TNFRSF21: variants seen among roughly 807,000 people sequenced by gnomAD.
TNFRSF21 encodes the protein tumor necrosis factor receptor superfamily member 21.
A neutral mutation model predicts 45.6 loss-of-function variants in TNFRSF21; 19 were observed. That is an observed-to-expected ratio of 0.42 (90% CI 0.29 to 0.61). TNFRSF21 has a LOEUF of 0.61. Ranked by LOEUF, TNFRSF21 falls within the 20% of genes least tolerant of loss-of-function variation. The pLI, the probability that TNFRSF21 is intolerant of heterozygous loss-of-function variation, is 0.23. For synonymous variants in TNFRSF21, 314 were observed against 335.5 expected (o/e 0.94, Z 0.70); for missense variants, 737 against 851.5 (o/e 0.87, Z 1.67).
intron 4 of TNFRSF21, among the ~76,000 whole-genome samples, chr6:47,240,696 T>C (rs1258780507): frequency 6.6e-6 from 1 of 152,040 alleles, no homozygotes; most frequent in African/African-American, 2.4e-5. Context: ...TAGAGTGAAG[T>C]GGGTAGAGGT....
intron 3 of TNFRSF21, among the ~76,000 whole-genome samples, chr6:47,271,897 C>T (rs149296476): frequency 2.0e-5 from 3 of 151,930 alleles, no homozygotes; most frequent in Non-Finnish European, 2.9e-5. Context: ...TTTAAACCAA[C>T]AAAGATCAAA....
chr6:47,302,623 G>A (rs1762880619), intron 1 of TNFRSF21, among the ~76,000 whole-genome samples: 1 of 152,142 alleles, frequency 6.6e-6, no homozygotes, highest in Non-Finnish European at 1.5e-5. Flanking sequence ...CACACAGGTT[G>A]CTCTCAGTTT....
chr6:47,279,907 T>G (rs1298682012), intron 3 of TNFRSF21, among the ~76,000 whole-genome samples: 1 of 151,992 alleles, frequency 6.6e-6, no homozygotes, highest in Non-Finnish European at 1.5e-5. Flanking sequence ...GAAGAAAGAG[T>G]ACAAAATACC....
At chr6:47,262,840 G>T (rs1481303643) in intron 3 of TNFRSF21, among the ~76,000 whole-genome samples, 1 of 152,154 alleles carries the variant, frequency 6.6e-6, no homozygotes, top group Non-Finnish European at 1.5e-5. Flanking sequence ...GGAGTCAGGA[G>T]AGTGCAGATC....
At chr6:47,236,616 G>C (rs141392180) in intron 4 of TNFRSF21, among the ~76,000 whole-genome samples, 31 of 152,286 alleles carry the variant, frequency 2.0e-4, no homozygotes, top group Non-Finnish European at 3.4e-4. Context: ...CCCTGCTGCT[G>C]CTTCCAGGGC....
rs772342118 is a variant in TNFRSF21 at position 47,285,983 on chromosome 6, C to T, written c.709G>A (p.Glu237Lys). 4 of 1,614,186 alleles carry T rather than the reference C, an allele frequency of 2.5e-6. No homozygotes were observed. Among genetic ancestry groups the T allele is most frequent in the Non-Finnish European group, 3.4e-6 (4 of 1,180,032 alleles). Residue 237 changes from glutamate to lysine, a missense_variant, in exon 2 of 6, where the codon GAA becomes AAA. Coordinates refer to ENST00000296861, the MANE Select transcript of TNFRSF21 (RefSeq NM_014452.5). Reference sequence around the variant, plus strand: ...GTGGAGGAAGGGACTTCATGGGTTTCCATGTGCTCAGGGCGTGGAAAGATG... The same window carrying T: ...GTGGAGGAAGGGACTTCATGGGTTTTCATGTGCTCAGGGCGTGGAAAGATG... ...TAIFPRPEHM[E>K]THEVPSSTYV...
rs543052150 is a variant in TNFRSF21, at chr6:47,233,497, T to C, written c.1739-503A>G. Among the ~76,000 whole-genome samples, 12 of 152,308 alleles carry C rather than the reference T, an allele frequency of 7.9e-5. No homozygotes were observed. In the South Asian group the frequency reaches 2.5e-3, roughly 32 times the overall value. On this transcript the variant is annotated intron_variant, in intron 5 of 5. Transcript: ENST00000296861. ...TAGTCTACTTATGTGACTTTCTGAT[T>C]ACATTGTAATATTTTAGAACTAAAC...
At chr6:47,249,628 C>T (rs1460529694) in intron 4 of TNFRSF21, among the ~76,000 whole-genome samples, 4 of 152,060 alleles carry the variant, frequency 2.6e-5, no homozygotes, top group Non-Finnish European at 5.9e-5. Flanking sequence ...TGTGTGACTC[C>T]TGACTGTGTA....
intron 3 of TNFRSF21, among the ~76,000 whole-genome samples, chr6:47,282,888 T>C (rs1309121302): frequency 6.6e-6 from 1 of 152,200 alleles, no homozygotes; most frequent in Non-Finnish European, 1.5e-5. Context: ...TGTCCTTCTG[T>C]TATTTTCAAT....
At chr6:47,235,483 G>C (rs1764653933) in intron 4 of TNFRSF21, among the ~76,000 whole-genome samples, 2 of 152,310 alleles carry the variant, frequency 1.3e-5, no homozygotes, top group African/African-American at 2.4e-5. Flanking sequence ...AGCCAAGAGA[G>C]AGACCTCAGA....
chr6:47,245,458 T>TTGTGTG (rs770568672), intron 4 of TNFRSF21, among the ~76,000 whole-genome samples: 44 of 107,804 alleles, frequency 4.1e-4, no homozygotes, highest in African/African-American at 1.5e-3. Flanking sequence ...GTGTGTGTGT[T>TTGTGTG]TGTGTGTGTG....
chr6:47,270,075 C>G (rs1174079358), intron 3 of TNFRSF21, among the ~76,000 whole-genome samples: 2 of 152,164 alleles, frequency 1.3e-5, no homozygotes, highest in African/African-American at 4.8e-5. Context: ...AAACACATAA[C>G]TTAAGAAAGT....
rs891576497 is a variant in TNFRSF21 at position 47,259,738 on chromosome 6, A to T, written c.1244-6217T>A. Among the ~76,000 whole-genome samples, 20 of 152,242 alleles carry T rather than the reference A, an allele frequency of 1.3e-4. 1 individual carries two copies. The highest frequency in any genetic ancestry group is 1.1e-3 in the Admixed American group (17 of 15,294). ...TGGAGAATGGATGAAGTTTCTGAGG[A>T]GGTCATCAAAGGAGTCAAGCCCTAT... is the stretch of plus-strand genomic sequence containing the variant. On this transcript the variant is annotated intron_variant, in intron 3 of 5. Transcript: ENST00000296861.
Position 47,279,580 on chromosome 6 carries a change from G to A in TNFRSF21, c.1243+4358C>T, listed in dbSNP as rs377363136. Among the ~76,000 whole-genome samples the A allele has an allele frequency of 5.9e-5, 9 of 152,112 alleles. No homozygotes were observed. The East Asian group carries it at 7.7e-4, about 13-fold the overall frequency. On this transcript the variant is annotated intron_variant, in intron 3 of 5. Transcript: ENST00000296861. ...TTTTCCACGTAACCTCTCAATTAAT[G>A]TGAATCCACATAAATCCTTAATTTT...
intron 3 of TNFRSF21, among the ~76,000 whole-genome samples, chr6:47,268,087 C>A (rs1277355592): frequency 6.6e-6 from 1 of 152,206 alleles, no homozygotes; most frequent in East Asian, 1.9e-4. Flanking sequence ...GAGTGAGATG[C>A]AGTGTATGCA....
intron 3 of TNFRSF21, among the ~76,000 whole-genome samples, chr6:47,280,293 G>A (rs1462716661): frequency 3.9e-5 from 6 of 152,118 alleles, no homozygotes; most frequent in African/African-American, 1.4e-4. Flanking sequence ...CAAGGACCAG[G>A]AAAAGATCTT....
At chr6:47,304,118 T>C (rs1490562117) in intron 1 of TNFRSF21, among the ~76,000 whole-genome samples, 2 of 152,152 alleles carry the variant, frequency 1.3e-5, no homozygotes, top group African/African-American at 4.8e-5. Flanking sequence ...TGCCAAGAAG[T>C]TGCTGGTGAC....
chr6:47,309,357 G>A (rs745706470), intron 1 of TNFRSF21, 59 bp downstream of exon 1: 33 of 1,494,266 alleles, frequency 2.2e-5, no homozygotes, highest in South Asian at 3.7e-5. Flanking sequence ...CCCGGCTCCC[G>A]GAGAGCGGTT....
At chr6:47,284,504 G>T in intron 2 of TNFRSF21, 72 bp from the exon 3 acceptor site, 1 of 1,442,956 alleles carries the variant, frequency 6.9e-7, no homozygotes. Context: ...TCCTTTCCCT[G>T]GTCATCTCCA....
Sources: gnomAD v4.1 joint callset for allele counts (sites outside exome capture counted in the v4.1 genomes callset) on GRCh38, gnomAD v4.1.1 for gene constraint, MANE v1.5 for transcripts, NCBI Gene and HGNC (gene_info 2026-07-23, HGNC 2026-07-21) for gene names.